The following AHCTF1 variants were observed in gnomAD, a reference collection of about 807,000 sequenced individuals.
AHCTF1 encodes the protein protein ELYS.
A neutral mutation model predicts 248.4 loss-of-function variants in AHCTF1; 24 were observed. The ratio of observed to expected loss-of-function variants is 0.10; its 90% CI spans 0.07 to 0.14. The LOEUF is 0.14. Among genes scored for constraint, AHCTF1 ranks in the 10% least tolerant of loss-of-function variants. AHCTF1 has a pLI of 1.00. For synonymous variants in AHCTF1, 786 were observed against 929.8 expected (o/e 0.85, Z 2.81); for missense variants, 2,206 against 2,636.2 (o/e 0.84, Z 3.57).
At chr1:246,853,361 A>G in intron 31 of AHCTF1, 62 bp from the exon 32 acceptor site, 1 of 1,388,650 alleles carries the variant, frequency 7.2e-7, no homozygotes, top group South Asian at 1.3e-5. Context: ...CACACAAGGA[A>G]GCAAACAGAA....
At chr1:246,874,334 T>G (rs1466082065) in intron 24 of AHCTF1, among the ~76,000 whole-genome samples, 2 of 152,090 alleles carry the variant, frequency 1.3e-5, no homozygotes, top group Non-Finnish European at 2.9e-5. Context: ...CAAATACGTG[T>G]CCCTCTGAGG....
At chr1:246,872,690 T>C (rs753494296) in intron 24 of AHCTF1, among the ~76,000 whole-genome samples, 13 of 152,198 alleles carry the variant, frequency 8.5e-5, no homozygotes, top group Non-Finnish European at 1.3e-4. Flanking sequence ...CTAAAGCTCC[T>C]TCCCATCGCA....
rs1370436174 is a variant in AHCTF1 at position 246,863,800 on chromosome 1, T to G, written c.3540+124A>C. The G allele has an allele frequency of 1.5e-5, 14 of 921,174 alleles. No individual in the cohort carries two copies. In the Admixed American group the frequency reaches 2.9e-4, roughly 19 times the overall value. The allele number at this position is 921,174 out of a possible 1,614,324, so 57.1% of individuals were successfully genotyped here. ...TAGAAGATGTGAAAACATAAAAGGA[T>G]GCTTAAAGCATTTCCCAGCACTCCC... On this transcript the variant is annotated intron_variant, in intron 27 of 35. Coordinates refer to ENST00000648844, the MANE Select transcript of AHCTF1 (RefSeq NM_001323342.2).
chr1:246,929,643 T>C (rs538409265), intron 1 of AHCTF1, among the ~76,000 whole-genome samples: 6 of 152,322 alleles, frequency 3.9e-5, no homozygotes, highest in African/African-American at 1.4e-4. Context: ...CATATACTTA[T>C]TGTAGAGACC....
chr1:246,853,107 T>A lies in AHCTF1; in HGVS notation c.4547A>T (p.Asp1516Val), dbSNP rs1432775068. 2.5e-6 allele frequency: 4 copies of A among 1,607,662 alleles called. No homozygotes were observed. In the African/African-American group the frequency reaches 4.0e-5, roughly 16 times the overall value. The change falls in exon 32 of 36, where the codon GAT (aspartate) becomes GTT (valine). Residue 1516 changes from aspartate (D) to valine (V), a missense_variant. Around this residue, in one of 6 missense-constraint regions of AHCTF1, gnomAD observed 955 missense variants for 1,055.6 expected, o/e 0.90. Coordinates refer to ENST00000648844, the MANE Select transcript of AHCTF1 (RefSeq NM_001323342.2). ...TTTTTTTACATGAATTTCTTGAGTA[T>A]CAGGAGGGCTGTCAGAAATTGGAAG... Reference protein sequence around the residue: ...EKLPISDSPPDTQEIHVIEQE... With the variant: ...EKLPISDSPPVTQEIHVIEQE...
rs142569004 is a variant in AHCTF1, at chr1:246,850,082, C to T, written c.5924G>A (p.Gly1975Asp). ...FDMSAIPRKR[G>D]RPRKINPSED... ...AGATGGATTGATTTTTCTTGGTCTA[C>T]CACGTTTTCTAGGTATGGCAGACAT... The change falls in exon 33 of 36, where the codon GGT becomes GAT. Residue 1975 changes from glycine (G) to aspartate (D), a missense_variant. Physicochemically the swap from Gly to Asp is moderately conservative, Grantham distance 94. Coordinates refer to ENST00000648844, the MANE Select transcript of AHCTF1 (RefSeq NM_001323342.2). 2 of 1,613,908 alleles carry T rather than the reference C, an allele frequency of 1.2e-6. No homozygotes were observed. Among genetic ancestry groups the T allele is most frequent in the African/African-American group, 2.7e-5 (2 of 75,026 alleles).
At chr1:246,879,490 C>T (rs1663236350) in intron 21 of AHCTF1, among the ~76,000 whole-genome samples, 1 of 152,056 alleles carries the variant, frequency 6.6e-6, no homozygotes, top group East Asian at 1.9e-4. Flanking sequence ...TTTAAAATGG[C>T]TAAAGGTTGA....
At chr1:246,907,896 CA>C (rs772645512) in intron 4 of AHCTF1, 138 bp from the exon 5 acceptor site, 4 of 722,334 alleles carry the variant, frequency 5.5e-6, no homozygotes, top group Middle Eastern at 4.0e-4. Flanking sequence ...TTAGTGATAA[CA>C]AAAAAGTATG....
chr1:246,885,726 AT>A lies in AHCTF1; in HGVS notation c.2473-47del, dbSNP rs1363210130. On this transcript the variant is annotated intron_variant, in intron 20 of 35. Transcript: ENST00000648844. ...GTTAAATATAAATATAATCCTATACATTTAGACAAAGTAGGTAAACCTAACA... is the reference window on the plus strand; with the variant it reads ...GTTAAATATAAATATAATCCTATACATTAGACAAAGTAGGTAAACCTAACA... 2.0e-6 allele frequency: 3 copies of A among 1,510,506 alleles called. No individual in the cohort carries two copies. The East Asian group carries it at 7.4e-5, about 37-fold the overall frequency. 93.6% of individuals were successfully genotyped at this position (1,510,506 alleles called of 1,614,324 possible). A position where few individuals can be genotyped will look rare whatever the true frequency, so the allele number is the denominator to read the frequency against.
chr1:246,890,029 T>C lies in AHCTF1; in HGVS notation c.2081A>G (p.Tyr694Cys). The stretch of plus-strand genomic sequence containing the variant: ...GTAGTTCTGAATTACAGGGTAGTTG[T>C]AGCATAACCTTGACAACTGCACAGA... ...DDSVQLSRLC[Y>C]NYPVIQNYYT... The change falls in exon 17 of 36, where the codon TAC (tyrosine) becomes TGC (cysteine). Residue 694 changes from tyrosine to cysteine, a missense_variant. Transcript: ENST00000648844. 3 of 1,612,846 alleles carry C rather than the reference T, an allele frequency of 1.9e-6. No individual in the cohort carries two copies. Among genetic ancestry groups the C allele is most frequent in the Non-Finnish European group, 2.5e-6 (3 of 1,179,300 alleles).
chr1:246,892,706 A>G (rs1249048870), intron 14 of AHCTF1, among the ~76,000 whole-genome samples: 1 of 152,134 alleles, frequency 6.6e-6, no homozygotes, highest in Non-Finnish European at 1.5e-5. Flanking sequence ...ATCACAGCTC[A>G]CTGCACTCTC....
At chr1:246,895,098 AC>A (rs1664480960) in intron 13 of AHCTF1, among the ~76,000 whole-genome samples, 1 of 152,204 alleles carries the variant, frequency 6.6e-6, no homozygotes, top group Non-Finnish European at 1.5e-5. Context: ...AATTATAAAA[AC>A]AATTACATAC....
At chr1:246,896,680 C>T (rs1233404575) in intron 12 of AHCTF1, among the ~76,000 whole-genome samples, 1 of 152,176 alleles carries the variant, frequency 6.6e-6, no homozygotes, top group African/African-American at 2.4e-5. Flanking sequence ...ATTAAAATCA[C>T]TGAACTGTAC....
chr1:246,901,621 CAAAACAAAAA>C (rs1665005554), intron 8 of AHCTF1, among the ~76,000 whole-genome samples: 1 of 151,082 alleles, frequency 6.6e-6, no homozygotes, highest in Non-Finnish European at 1.5e-5. Flanking sequence ...CTCAAAAAAA[CAAAACAAAAA>C]AAAACAAAAC....
At chr1:246,907,515 A>G in intron 5 of AHCTF1, 36 bp downstream of exon 5, 1 of 1,578,054 alleles carries the variant, frequency 6.3e-7, no homozygotes, top group Non-Finnish European at 8.7e-7. Context: ...CAAAAAAACT[A>G]CCTATAATCA....
At chr1:246,863,015 ATTC>A (rs1661686823) in intron 27 of AHCTF1, among the ~76,000 whole-genome samples, 1 of 152,204 alleles carries the variant, frequency 6.6e-6, no homozygotes, top group Non-Finnish European at 1.5e-5. Context: ...GATCATAACA[ATTC>A]TTTTTTCTAG....
chr1:246,880,006 T>C (rs1369968957), intron 21 of AHCTF1, among the ~76,000 whole-genome samples: 3 of 152,068 alleles, frequency 2.0e-5, no homozygotes, highest in Non-Finnish European at 2.9e-5. Flanking sequence ...GGGTATACGG[T>C]ATGCTGTTTT....
intron 3 of AHCTF1, among the ~76,000 whole-genome samples, chr1:246,915,292 T>C (rs1184914895): frequency 6.6e-6 from 1 of 152,072 alleles, no homozygotes; most frequent in East Asian, 1.9e-4. Context: ...ATCGTGCCAC[T>C]GCACTCCAGC....
intron 1 of AHCTF1, among the ~76,000 whole-genome samples, chr1:246,919,210 T>C (rs1031560353): frequency 1.3e-5 from 2 of 152,138 alleles, no homozygotes; most frequent in Admixed American, 1.3e-4. Context: ...AGATTAAGCC[T>C]AGGACAAAGA....
Sources: allele counts gnomAD v4.1 joint callset (sites outside exome capture counted in the v4.1 genomes callset), GRCh38; gene constraint gnomAD v4.1.1; regional missense constraint gnomAD v4.1.1; transcripts MANE v1.5; gene names NCBI Gene and HGNC (gene_info 2026-07-23, HGNC 2026-07-21).